Variants in MTA1 observed in about 807,000 individuals in gnomAD.
MTA1 encodes metastasis associated 1, also known as metastasis-associated protein MTA1.
In MTA1, 15 loss-of-function variants were observed where a neutral mutation model predicts 97.0. The observed-to-expected ratio is 0.15, with a 90% CI of 0.10 to 0.24. The LOEUF (loss-of-function observed/expected upper bound fraction) is 0.24. MTA1 is among the 10% of genes least tolerant of loss of function. The pLI is 1.00. For missense variants in MTA1, 709 were observed against 1,015.1 expected (o/e 0.70, Z 4.10); for synonymous variants, 435 against 417.5 (o/e 1.04, Z -0.51).
At position 105,420,789 on chromosome 14, in the gene MTA1, G is replaced by T. The variant is rs1485512686; in HGVS notation, c.28+726G>T. 1.3e-5 allele frequency among the ~76,000 whole-genome samples: 2 copies of T among 152,194 alleles called. No homozygotes were observed. The highest frequency in any genetic ancestry group is 4.8e-5 in the African/African-American group (2 of 41,456). On this transcript the variant is annotated intron_variant, in intron 1 of 20. Transcript: ENST00000331320. The surrounding 1 kb of genome is among the most constrained non-coding windows in gnomAD (Gnocchi z 5.3). Reference sequence around the variant, plus strand: ...TCGGGCCCCCCGGGCCTGCAGCTTTGAGCCTTGCCCTCCTTCGTGTGCCTG... The same window carrying T: ...TCGGGCCCCCCGGGCCTGCAGCTTTTAGCCTTGCCCTCCTTCGTGTGCCTG...
intron 6 of MTA1, among the ~76,000 whole-genome samples, chr14:105,452,746 T>C (rs1307983581): frequency 5.9e-5 from 9 of 152,214 alleles, no homozygotes; most frequent in African/African-American, 1.7e-4. Context: ...GGCCTCTGGA[T>C]AGTCGTGTCA....
chr14:105,444,116 G>A (rs1458412816), intron 2 of MTA1, among the ~76,000 whole-genome samples: 3 of 151,782 alleles, frequency 2.0e-5, no homozygotes, highest in African/African-American at 7.3e-5. Context: ...GCTCACGCCT[G>A]TAACCCCAGC....
At chr14:105,450,867 G>A (rs1163861583) in intron 6 of MTA1, among the ~76,000 whole-genome samples, 1 of 152,258 alleles carries the variant, frequency 6.6e-6, no homozygotes, top group African/African-American at 2.4e-5. Flanking sequence ...AGTGTCGCCT[G>A]ACGGAGAGCG....
chr14:105,463,736 G>A lies in MTA1; in HGVS notation c.1076+185G>A. Reference sequence around the variant, plus strand: ...CTGCAGACGCAGTGGCCATGTCTCTGTCGTCCTGGCCTCCTGGTCAGTAAG... The same window carrying A: ...CTGCAGACGCAGTGGCCATGTCTCTATCGTCCTGGCCTCCTGGTCAGTAAG... On this transcript the variant is annotated intron_variant, in intron 12 of 20. Coordinates refer to ENST00000331320, the MANE Select transcript of MTA1 (RefSeq NM_004689.4). This position sits in a 1 kb window ranked among gnomAD's most constrained non-coding sequence, Gnocchi z 5.9. 1.6e-6 allele frequency: 1 copy of A among 637,270 alleles called. No homozygotes were observed. The highest frequency in any genetic ancestry group is 2.7e-6 in the Non-Finnish European group (1 of 365,728). The allele number at this position is 637,270 out of a possible 1,614,324, so 39.5% of individuals were successfully genotyped here. A position where few individuals can be genotyped will look rare whatever the true frequency, so the allele number is the denominator to read the frequency against.
Position 105,440,969 on chromosome 14 carries a change from C to T in MTA1, c.96+2230C>T, listed in dbSNP as rs140973487. On this transcript the variant is annotated intron_variant, in intron 2 of 20. Transcript: ENST00000331320. ...CACAGGGCAAGGAAGGTGGGAGAGG[C>T]GGTGCCACTGGGAGGTATGGGCACA... Among the ~76,000 whole-genome samples the T allele has an allele frequency of 2.7e-3, 406 of 152,312 alleles. 3 individuals carry two copies. Among genetic ancestry groups the T allele is most frequent in the African/African-American group, 8.2e-3 (341 of 41,574 alleles).
At chr14:105,456,018 T>G (rs587667794) in intron 7 of MTA1, among the ~76,000 whole-genome samples, 1 of 150,052 alleles carries the variant, frequency 6.7e-6, no homozygotes. Context: ...TGGGTCTGAG[T>G]GTGGAGAGGC....
intron 18 of MTA1, chr14:105,468,176 G>C: frequency 1.8e-6 from 1 of 550,592 alleles, no homozygotes; most frequent in East Asian, 6.9e-5. Flanking sequence ...GCTCGAGTGA[G>C]GGCCCTGCCT....
At chr14:105,465,050 C>T (rs1487776038) in intron 15 of MTA1, 44 bp from the exon 16 acceptor site, 32 of 1,474,214 alleles carry the variant, frequency 2.2e-5, no homozygotes, top group Non-Finnish European at 2.8e-5. Flanking sequence ...GTCCCGTGCT[C>T]CCCTGGGGGT....
At chr14:105,445,841 C>T in intron 3 of MTA1, 1 of 404,578 alleles carries the variant, frequency 2.5e-6, no homozygotes, top group East Asian at 5.9e-5. Context: ...CTTCTGGAGA[C>T]TTTCCAGGCT....
At chr14:105,467,421 G>A (rs1052930044) in intron 18 of MTA1, 6 of 455,938 alleles carry the variant, frequency 1.3e-5, no homozygotes, top group South Asian at 3.1e-5. Flanking sequence ...GCGACCTGGA[G>A]GTGGATATGG....
intron 2 of MTA1, among the ~76,000 whole-genome samples, chr14:105,439,228 T>C (rs1279046170): frequency 7.7e-6 from 1 of 130,602 alleles, no homozygotes; most frequent in Non-Finnish European, 1.7e-5. Context: ...GGCTGTGAGC[T>C]CTGCCCCCAA....
chr14:105,466,426 A>AGGGGCG lies in MTA1; in HGVS notation c.1626_1627insGGGCGG (p.Glu542_Thr543insGlyArg). On this transcript the variant is annotated inframe_insertion and splice_region_variant, in exon 17 of 21. Coordinates refer to ENST00000331320, the MANE Select transcript of MTA1 (RefSeq NM_004689.4). ...GTTCTGCCTGTGTCATTCCCGGCAG[A>AGGGGCG]GACCCACCCCCGCCCCCCCAAGCCT... 2 of 1,484,190 alleles carry AGGGGCG rather than the reference A, an allele frequency of 1.3e-6. No individual in the cohort carries two copies. Among genetic ancestry groups the AGGGGCG allele is most frequent in the Non-Finnish European group, 1.9e-6 (2 of 1,071,296 alleles). 91.9% of individuals were successfully genotyped at this position (1,484,190 alleles called of 1,614,324 possible).
Position 105,463,702 on chromosome 14 carries a change from G to C in MTA1, c.1076+151G>C. The C allele has an allele frequency of 1.4e-6, 1 of 731,970 alleles. No homozygotes were observed. The highest frequency in any genetic ancestry group is 2.3e-6 in the Non-Finnish European group (1 of 439,428). 45.3% of individuals were successfully genotyped at this position (731,970 alleles called of 1,614,324 possible). A position where few individuals can be genotyped will look rare whatever the true frequency, so the allele number is the denominator to read the frequency against. Reference sequence around the variant, plus strand: ...CCCGGGAGGGCGGCCCAGGGCTGGGGGGTTCTGGCTGCAGACGCAGTGGCC... The same window carrying C: ...CCCGGGAGGGCGGCCCAGGGCTGGGCGGTTCTGGCTGCAGACGCAGTGGCC... On this transcript the variant is annotated intron_variant, in intron 12 of 20. Coordinates refer to ENST00000331320, the MANE Select transcript of MTA1 (RefSeq NM_004689.4). This position sits in a 1 kb window ranked among gnomAD's most constrained non-coding sequence, Gnocchi z 5.9.
At chr14:105,468,330 T>G (rs1272285090) in intron 18 of MTA1, 2 of 1,304,280 alleles carry the variant, frequency 1.5e-6, no homozygotes, top group Non-Finnish European at 2.0e-6. Context: ...TGTCCACCGC[T>G]CTGGTAGGCA....
In MTA1 at chr14:105,460,801, G is replaced by A. The variant is rs923266793; in HGVS notation, c.790G>A (p.Asp264Asn). The change falls in exon 10 of 21, where the codon GAC (aspartate) becomes AAC (asparagine). Residue 264 changes from aspartate (D) to asparagine (N), a missense_variant. Coordinates refer to ENST00000331320, the MANE Select transcript of MTA1 (RefSeq NM_004689.4). ...AMDTLHKNIY[D>N]ISKAISALVP... ...GGATACTCTCCACAAGAACATCTAC[G>A]ACATCTCCAAGGCCATCTCGGCGCT... 8.1e-6 allele frequency: 13 copies of A among 1,606,614 alleles called. No homozygotes were observed. The highest frequency in any genetic ancestry group is 2.7e-5 in the African/African-American group (2 of 74,748).
intron 2 of MTA1, among the ~76,000 whole-genome samples, chr14:105,442,412 G>A (rs2082566224): frequency 6.6e-6 from 1 of 152,270 alleles, no homozygotes. Context: ...CAAGCAGGGT[G>A]GACCCCAGCT....
chr14:105,463,823 G>C lies in MTA1; in HGVS notation c.1077-209G>C. Reference sequence around the variant, plus strand: ...AGTCCCTGAGCTGGGCTCCATGCTAGGGGGAGCACGGGGGCCTGGAGAACG... The same window carrying C: ...AGTCCCTGAGCTGGGCTCCATGCTACGGGGAGCACGGGGGCCTGGAGAACG... On this transcript the variant is annotated intron_variant, in intron 12 of 20. Transcript: ENST00000331320. This position sits in a 1 kb window ranked among gnomAD's most constrained non-coding sequence, Gnocchi z 5.9. 1 of 642,036 alleles carries C rather than the reference G, an allele frequency of 1.6e-6. No homozygotes were observed. The highest frequency in any genetic ancestry group is 1.9e-5 in the South Asian group (1 of 53,162). The allele number at this position is 642,036 out of a possible 1,614,324, so 39.8% of individuals were successfully genotyped here.
intron 2 of MTA1, among the ~76,000 whole-genome samples, chr14:105,440,447 G>A (rs782283603): frequency 4.6e-5 from 7 of 152,356 alleles, no homozygotes; most frequent in African/African-American, 1.2e-4. Context: ...CAGTGCCTCC[G>A]TGGGCGCCTG....
chr14:105,429,655 A>G (rs587609879), intron 1 of MTA1, among the ~76,000 whole-genome samples: 12 of 145,994 alleles, frequency 8.2e-5, no homozygotes, highest in African/African-American at 2.8e-4. Flanking sequence ...GGGTTTCACC[A>G]TGTTAGCCAG....
Sources: allele counts gnomAD v4.1 joint callset (sites outside exome capture counted in the v4.1 genomes callset), GRCh38; gene constraint gnomAD v4.1.1; non-coding constraint Gnocchi (gnomAD v3.1); transcripts MANE v1.5; gene names NCBI Gene and HGNC (gene_info 2026-07-23, HGNC 2026-07-21).